PIGN: variants seen among roughly 807,000 people sequenced by gnomAD.
The protein encoded by PIGN is GPI ethanolamine phosphate transferase 1.
Under a neutral mutation model 125.4 loss-of-function variants are expected in PIGN, and 117 were observed. The observed-to-expected ratio is 0.93, with a 90% confidence interval of 0.80 to 1.09. PIGN has a LOEUF of 1.09. Ranked by LOEUF, PIGN falls within the 50% of genes least tolerant of loss-of-function variation. The pLI, the probability that PIGN is intolerant of heterozygous loss-of-function variation, is 0.00. For missense variants in PIGN, 1,075 were observed against 1,094.9 expected, an observed-to-expected ratio of 0.98 and a Z score of 0.26; for synonymous variants, 392 against 377.8, an observed-to-expected ratio of 1.04 and a Z score of -0.44.
intron 10 of PIGN, among the ~76,000 whole-genome samples, chr18:62,143,783 A>C (rs928967634): frequency 6.6e-6 from 1 of 152,212 alleles, no homozygotes; most frequent in Non-Finnish European, 1.5e-5. Flanking sequence ...AAAACACCTA[A>C]AACTGTAGTT....
intron 30 of PIGN, among the ~76,000 whole-genome samples, chr18:62,069,029 G>A (rs139697371): frequency 1.3e-5 from 2 of 152,300 alleles, no homozygotes; most frequent in East Asian, 3.9e-4. Flanking sequence ...TATGCTTCCT[G>A]AAAGCCCAGA....
At chr18:62,079,815 A>G (rs2033361272) in intron 28 of PIGN, among the ~76,000 whole-genome samples, 1 of 151,904 alleles carries the variant, frequency 6.6e-6, no homozygotes. Context: ...AATAATTTTA[A>G]TAAATTAAAA....
chr18:62,051,014 T>C (rs142901312), intron 30 of PIGN, among the ~76,000 whole-genome samples: 48,683 of 146,660 alleles, frequency 0.33, 9,041 homozygotes, highest in East Asian at 0.69. Flanking sequence ...TATTGATTTG[T>C]GTATATTGAA....
chr18:62,022,771 A>G (rs2030068705), intron 23 of PIGN, among the ~76,000 whole-genome samples: 1 of 152,212 alleles, frequency 6.6e-6, no homozygotes, highest in Admixed American at 6.5e-5. Flanking sequence ...ATAAAACCCA[A>G]AGTACATAAT....
At chr18:62,131,421 T>C (rs757533348) in intron 14 of PIGN, among the ~76,000 whole-genome samples, 33 of 149,968 alleles carry the variant, frequency 2.2e-4, no homozygotes, top group Non-Finnish European at 4.4e-4. Context: ...GCCTCTAAAG[T>C]ATACAATTTT....
chr18:62,083,898 A>C (rs2033566878), intron 27 of PIGN, among the ~76,000 whole-genome samples: 1 of 152,164 alleles, frequency 6.6e-6, no homozygotes, highest in African/African-American at 2.4e-5. Context: ...AACATTAGGT[A>C]ATCGGATTTT....
intron 27 of PIGN, 82 bp downstream of exon 27, chr18:62,084,449 T>C (rs897854346): frequency 2.3e-6 from 2 of 858,718 alleles, no homozygotes; most frequent in Admixed American, 5.5e-5. Context: ...CTTCTTTCCA[T>C]TGCTACTTAA....
intron 1 of PIGN, among the ~76,000 whole-genome samples, chr18:62,167,190 T>G (rs199842452): frequency 1.4e-5 from 1 of 73,164 alleles, no homozygotes. Context: ...GCAGGAGCGC[T>G]CTCTCTCTCT....
At chr18:62,096,112 T>C (rs1412125096) in intron 22 of PIGN, among the ~76,000 whole-genome samples, 162 bp from the exon 23 acceptor site, 3 of 152,078 alleles carry the variant, frequency 2.0e-5, no homozygotes, top group African/African-American at 7.2e-5. Context: ...CTTGCCAACA[T>C]GATAAAACCC....
intron 23 of PIGN, among the ~76,000 whole-genome samples, chr18:62,023,554 C>G (rs2030079712): frequency 6.6e-6 from 1 of 152,206 alleles, no homozygotes; most frequent in Non-Finnish European, 1.5e-5. Context: ...TTATCTGAAG[C>G]CTCTCAATGG....
intron 1 of PIGN, among the ~76,000 whole-genome samples, chr18:62,166,835 TGA>T (rs1205919732): frequency 6.6e-6 from 1 of 152,064 alleles, no homozygotes; most frequent in African/African-American, 2.4e-5. Context: ...TTCTCACTCG[TGA>T]GAGTTAAACA....
intron 14 of PIGN, among the ~76,000 whole-genome samples, chr18:62,126,499 T>G (rs532035392): frequency 9.1e-4 from 138 of 152,306 alleles, no homozygotes; most frequent in Middle Eastern, 3.4e-3. Context: ...AATGCTTATA[T>G]GTGCTTAAAA....
chr18:62,087,766 A>C (rs2033774294), intron 25 of PIGN, among the ~76,000 whole-genome samples: 1 of 152,228 alleles, frequency 6.6e-6, no homozygotes, highest in South Asian at 2.1e-4. Context: ...ATAAGGGTTA[A>C]TATCCAAAAC....
chr18:62,138,250 G>T lies in PIGN; in HGVS notation c.1165C>A (p.Pro389Thr), dbSNP rs1362419141. ...AAAATGTAAGGGACTTACTTAAATG[G>T]TGTAAACAAAAATGGTAAAGTAACT... ...KEVTLPFLFT[P>T]FKLLSDSKQF... Residue 389 changes from proline (P) to threonine (T), a missense_variant, in exon 14 of 31, where the codon CCA (proline) becomes ACA (threonine). Pro to Thr is a conservative substitution (Grantham distance 38). Coordinates refer to ENST00000640252, the MANE Select transcript of PIGN (RefSeq NM_176787.5). The T allele has an allele frequency of 6.5e-7, 1 of 1,547,292 alleles. No homozygotes were observed. Among genetic ancestry groups the T allele is most frequent in the South Asian group, 1.2e-5 (1 of 81,944 alleles).
intron 14 of PIGN, among the ~76,000 whole-genome samples, chr18:62,132,283 GATA>G (rs1334703594): frequency 2.0e-5 from 3 of 152,192 alleles, no homozygotes; most frequent in African/African-American, 7.2e-5. Context: ...AGTAAATGGT[GATA>G]ACTGTTTTTT....
At chr18:62,086,312 G>T (rs1440720452) in intron 25 of PIGN, among the ~76,000 whole-genome samples, 1 of 152,150 alleles carries the variant, frequency 6.6e-6, no homozygotes, top group African/African-American at 2.4e-5. Flanking sequence ...TAGACTGGTG[G>T]CATATTAATA....
chr18:62,051,766 C>G (rs558796428), intron 30 of PIGN: 2 of 152,140 alleles, frequency 1.3e-5, no homozygotes, highest in Non-Finnish European at 2.9e-5. Flanking sequence ...TTTGCTCTTT[C>G]TTTTCTAGTT....
At chr18:62,048,637 A>G (rs969082315) in intron 30 of PIGN, among the ~76,000 whole-genome samples, 9 of 151,652 alleles carry the variant, frequency 5.9e-5, no homozygotes, top group Non-Finnish European at 1.2e-4. Context: ...AAAAAAACCA[A>G]ATGAATTTAT....
chr18:62,030,950 G>C (rs2030187391), intron 23 of PIGN, among the ~76,000 whole-genome samples: 1 of 152,274 alleles, frequency 6.6e-6, no homozygotes, highest in East Asian at 1.9e-4. Flanking sequence ...TTTGAGTACA[G>C]CCTGGGGAAC....
Sources: allele counts gnomAD v4.1 joint callset (sites outside exome capture counted in the v4.1 genomes callset), GRCh38; gene constraint gnomAD v4.1.1; transcripts MANE v1.5; gene names NCBI Gene and HGNC (gene_info 2026-07-23, HGNC 2026-07-21).